ELOVL5: variants seen among roughly 807,000 people sequenced by gnomAD.
The protein encoded by ELOVL5 is ELOVL fatty acid elongase 5.
Under a neutral mutation model 38.6 loss-of-function variants are expected in ELOVL5, and 8 were observed. That is an observed-to-expected ratio of 0.21 (90% CI 0.12 to 0.37). The LOEUF is 0.37. Ranked by LOEUF, ELOVL5 falls within the 10% of genes least tolerant of loss-of-function variation. ELOVL5 has a pLI of 1.00. For synonymous variants in ELOVL5, 127 were observed against 133.7 expected, an observed-to-expected ratio of 0.95 and a Z score of 0.34; for missense variants, 280 against 367.8, an observed-to-expected ratio of 0.76 and a Z score of 1.95.
At chr6:53,298,246 TAAG>T (rs554851184) in intron 1 of ELOVL5, among the ~76,000 whole-genome samples, 2 of 152,178 alleles carry the variant, frequency 1.3e-5, no homozygotes, top group South Asian at 4.1e-4. Flanking sequence ...TGAAAGGAAA[TAAG>T]GAGGAACAAG....
At chr6:53,336,466 C>T (rs1039671097) in intron 1 of ELOVL5, among the ~76,000 whole-genome samples, 3 of 152,180 alleles carry the variant, frequency 2.0e-5, no homozygotes, top group Admixed American at 6.5e-5. Flanking sequence ...TCAAGACCAG[C>T]CTGGGCAACA....
intron 1 of ELOVL5, among the ~76,000 whole-genome samples, chr6:53,334,805 C>T (rs899409150): frequency 6.6e-6 from 1 of 152,164 alleles, no homozygotes; most frequent in Admixed American, 6.5e-5. Flanking sequence ...TGCCCCATAA[C>T]CTTACCAGGA....
chr6:53,295,757 T>C (rs1473766614), intron 1 of ELOVL5, 50 bp from the exon 2 acceptor site: 1 of 1,146,784 alleles, frequency 8.7e-7, no homozygotes, highest in African/African-American at 1.6e-5. Context: ...AAATGTTTTT[T>C]ATACAGTATT....
At chr6:53,304,771 C>T (rs1394378377) in intron 1 of ELOVL5, among the ~76,000 whole-genome samples, 1 of 152,228 alleles carries the variant, frequency 6.6e-6, no homozygotes, top group Non-Finnish European at 1.5e-5. Flanking sequence ...AGGATCCCAA[C>T]GCAGAAGAAT....
chr6:53,323,758 T>C (rs1480888500), intron 1 of ELOVL5, among the ~76,000 whole-genome samples: 1 of 152,054 alleles, frequency 6.6e-6, no homozygotes, highest in African/African-American at 2.4e-5. Context: ...AATTTTTGTA[T>C]TTTTAGTAGA....
In ELOVL5 at chr6:53,339,088, G is replaced by C. The variant is rs117817613; in HGVS notation, c.-9+9729C>G. On this transcript the variant is annotated intron_variant, in intron 1 of 7. Coordinates refer to ENST00000304434, the MANE Select transcript of ELOVL5 (RefSeq NM_021814.5). ...ATAACTGTTGTTTGGGTGTGAGGGT[G>C]AGTGAGGAGAGGGAGAAGCAAAGTT... Among the ~76,000 whole-genome samples, 182 of 152,340 alleles carry C rather than the reference G, an allele frequency of 1.2e-3. No homozygotes were observed. The East Asian group carries it at 0.018, about 15-fold the overall frequency.
intron 1 of ELOVL5, among the ~76,000 whole-genome samples, chr6:53,340,293 G>C (rs560270255): frequency 1.3e-5 from 2 of 152,052 alleles, no homozygotes; most frequent in South Asian, 2.1e-4. Context: ...TAGAGATGGA[G>C]TCTTGTGATA....
chr6:53,343,607 T>C (rs1397353223), intron 1 of ELOVL5, among the ~76,000 whole-genome samples: 2 of 152,164 alleles, frequency 1.3e-5, no homozygotes, highest in Non-Finnish European at 1.5e-5. Context: ...AAATTTGCTC[T>C]AGGCAAAAAT....
At chr6:53,323,575 G>GC (rs1768381681) in intron 1 of ELOVL5, among the ~76,000 whole-genome samples, 1 of 72,046 alleles carries the variant, frequency 1.4e-5, no homozygotes, top group Non-Finnish European at 2.4e-5. Flanking sequence ...ATACTAGCCA[G>GC]CTTTTTTTTT....
At chr6:53,334,966 G>C (rs554731623) in intron 1 of ELOVL5, among the ~76,000 whole-genome samples, 1 of 152,274 alleles carries the variant, frequency 6.6e-6, no homozygotes, top group East Asian at 1.9e-4. Flanking sequence ...ATAGAGAAAT[G>C]ATATCTGGTG....
At chr6:53,271,174 C>T (rs115705534) in intron 6 of ELOVL5, among the ~76,000 whole-genome samples, 2,424 of 152,314 alleles carry the variant, frequency 0.016, 26 homozygotes, top group Middle Eastern at 0.031. Context: ...GCAAACAACA[C>T]TAAGTGCATT....
intron 6 of ELOVL5, among the ~76,000 whole-genome samples, chr6:53,272,489 T>C (rs1034708285): frequency 2.0e-5 from 3 of 152,214 alleles, no homozygotes; most frequent in African/African-American, 7.2e-5. Context: ...TAAAATCATG[T>C]ACTTAGTATG....
intron 1 of ELOVL5, among the ~76,000 whole-genome samples, chr6:53,322,430 A>G (rs147439805): frequency 6.6e-6 from 1 of 152,348 alleles, no homozygotes; most frequent in East Asian, 1.9e-4. Flanking sequence ...ATAAAGCAGT[A>G]TAAAACAGCT....
At chr6:53,329,094 A>G (rs968089165) in intron 1 of ELOVL5, among the ~76,000 whole-genome samples, 2 of 152,232 alleles carry the variant, frequency 1.3e-5, no homozygotes, top group Non-Finnish European at 2.9e-5. Context: ...AACAGGAGGC[A>G]ATGGCTGCTG....
In ELOVL5 at chr6:53,288,832, G is replaced by A. The variant is rs139488854; in HGVS notation, c.246+2944C>T. 3.9e-3 allele frequency among the ~76,000 whole-genome samples: 591 copies of A among 152,306 alleles called. 7 individuals are homozygous for A. The highest frequency in any genetic ancestry group is 0.013 in the African/African-American group (558 of 41,554). ...TGTAATCTCAGCACTTTGGGAGGCA[G>A]AGGTGGGTGGATTGCTTGAGCCTAA... On this transcript the variant is annotated intron_variant, in intron 3 of 7. Coordinates refer to ENST00000304434, the MANE Select transcript of ELOVL5 (RefSeq NM_021814.5).
chr6:53,331,339 T>C (rs1273842416), intron 1 of ELOVL5, among the ~76,000 whole-genome samples: 1 of 152,180 alleles, frequency 6.6e-6, no homozygotes, highest in Non-Finnish European at 1.5e-5. Flanking sequence ...AATAAATAAA[T>C]AAAAATTTTT....
At chr6:53,301,009 C>T (rs897177716) in intron 1 of ELOVL5, among the ~76,000 whole-genome samples, 7 of 152,196 alleles carry the variant, frequency 4.6e-5, no homozygotes, top group African/African-American at 1.4e-4. Context: ...CATCACCAGG[C>T]TAGGCTGGCC....
chr6:53,291,437 T>C (rs1171660473), intron 3 of ELOVL5, among the ~76,000 whole-genome samples: 1 of 152,224 alleles, frequency 6.6e-6, no homozygotes, highest in African/African-American at 2.4e-5. Flanking sequence ...TAAAATGCTT[T>C]CACATGTGTT....
Position 53,348,817 on chromosome 6 carries a change from CT to C in ELOVL5, c.-10del, listed in dbSNP as rs1769700800. The C allele has an allele frequency of 2.2e-6, 1 of 456,448 alleles. No individual in the cohort carries two copies. Among genetic ancestry groups the C allele is most frequent in the Middle Eastern group, 3.6e-4 (1 of 2,814 alleles). 28.3% of individuals were successfully genotyped at this position (456,448 alleles called of 1,614,324 possible). Reference sequence around the variant, plus strand: ...AGTTTCCCGGAGCTGACGGCTTTACCTTTTAGCCCAAGGGGCGGCAGCAGCT... The same window carrying C: ...AGTTTCCCGGAGCTGACGGCTTTACCTTTAGCCCAAGGGGCGGCAGCAGCT... On this transcript the variant is annotated splice_region_variant and 5_prime_UTR_variant, in exon 1 of 8. Transcript: ENST00000304434.
Sources: gnomAD v4.1 joint callset for allele counts (sites outside exome capture counted in the v4.1 genomes callset) on GRCh38, gnomAD v4.1.1 for gene constraint, MANE v1.5 for transcripts, NCBI Gene and HGNC (gene_info 2026-07-23, HGNC 2026-07-21) for gene names.